CDK19: variants seen among roughly 807,000 people sequenced by gnomAD.
CDK19 encodes cyclin dependent kinase 19.
A neutral mutation model predicts 68.3 loss-of-function variants in CDK19; 20 were observed. That is an observed-to-expected ratio of 0.29 (90% confidence interval 0.21 to 0.43). The LOEUF is 0.43. Ranked by LOEUF, CDK19 falls within the 20% of genes least tolerant of loss-of-function variation. The probability of loss-of-function intolerance (pLI) is 1.00; values close to 1 mark genes in which losing one functional copy is unlikely to be tolerated. For missense variants in CDK19, 339 were observed against 623.5 expected, an observed-to-expected ratio of 0.54 and a Z score of 4.86; for synonymous variants, 221 against 222.8, an observed-to-expected ratio of 0.99 and a Z score of 0.07.
chr6:110,653,100 T>C lies in CDK19; in HGVS notation c.456+14334A>G, dbSNP rs569510964. Among the ~76,000 whole-genome samples the C allele has an allele frequency of 1.3e-4, 20 of 152,344 alleles. 1 individual carries two copies. The South Asian group carries it at 3.9e-3, about 30-fold the overall frequency. ...GTAAATAAATGTTAAGGTCTCAAGA[T>C]ACTTGATGTTTCAAAATATGAATAA... On this transcript the variant is annotated intron_variant, in intron 4 of 12. Transcript: ENST00000368911.
chr6:110,652,714 T>C (rs1369102787), intron 4 of CDK19, among the ~76,000 whole-genome samples: 1 of 152,190 alleles, frequency 6.6e-6, no homozygotes, highest in Non-Finnish European at 1.5e-5. Flanking sequence ...AGTCACACTA[T>C]GTCGAAACAG....
intron 2 of CDK19, among the ~76,000 whole-genome samples, chr6:110,705,288 C>G (rs900540046): frequency 6.6e-6 from 1 of 152,156 alleles, no homozygotes; most frequent in African/African-American, 2.4e-5. Flanking sequence ...GATCCACCTG[C>G]CTCGGCCTCC....
At chr6:110,807,078 T>C (rs911299573) in intron 1 of CDK19, among the ~76,000 whole-genome samples, 3 of 151,598 alleles carry the variant, frequency 2.0e-5, no homozygotes, top group Non-Finnish European at 2.9e-5. Flanking sequence ...GGTAGGAGGA[T>C]TACTTGAGGC....
chr6:110,769,407 A>C (rs891792104), intron 1 of CDK19, among the ~76,000 whole-genome samples: 1 of 151,384 alleles, frequency 6.6e-6, no homozygotes, highest in Non-Finnish European at 1.5e-5. Context: ...TCTACTAAAA[A>C]TACAAAAATT....
intron 5 of CDK19, among the ~76,000 whole-genome samples, chr6:110,634,050 CCCCAATG>C (rs1422046088): frequency 6.6e-6 from 1 of 152,088 alleles, no homozygotes; most frequent in Non-Finnish European, 1.5e-5. Context: ...GTATAAGGGG[CCCCAATG>C]TACTATAAAA....
Position 110,718,638 on chromosome 6 carries a change from CAAA to C in CDK19, c.204+27485_204+27487del, listed in dbSNP as rs34228815. Among the ~76,000 whole-genome samples the C allele has an allele frequency of 0.032, 3,987 of 125,762 alleles. 329 individuals carry two copies. In the East Asian group the frequency reaches 0.37, roughly 12 times the overall value. The allele number at this position is 125,762 out of a possible 152,430, so 82.5% of individuals were successfully genotyped here. On this transcript the variant is annotated intron_variant, in intron 2 of 12. Coordinates refer to ENST00000368911, the MANE Select transcript of CDK19 (RefSeq NM_015076.5). ...GAACCACGGAGAAATCTTCAAAGTC[CAAA>C]AAAAAAAAAAAAAAACCCTTCTAAT...
rs1275389842 is a variant in CDK19 at position 110,759,428 on chromosome 6, A to AAAAAATATAT, written c.129-13228_129-13227insATATATTTTT. Among the ~76,000 whole-genome samples, 3 of 50,906 alleles carry AAAAAATATAT rather than the reference A, an allele frequency of 5.9e-5. No homozygotes were observed. The East Asian group carries it at 2.5e-3, about 42-fold the overall frequency. 33.4% of individuals were successfully genotyped at this position (50,906 alleles called of 152,430 possible). ...TTAAAAAAAAAAAAAAAAAAAAAAAAATATATATATATATATATATATAAA... is the reference window on the plus strand; with the variant it reads ...TTAAAAAAAAAAAAAAAAAAAAAAAAAAAAATATATATATATATATATATATATATATAAA... On this transcript the variant is annotated intron_variant, in intron 1 of 12. Transcript: ENST00000368911.
intron 1 of CDK19, among the ~76,000 whole-genome samples, chr6:110,810,715 A>C (rs1037640533): frequency 5.3e-5 from 8 of 151,956 alleles, no homozygotes; most frequent in Admixed American, 3.9e-4. Context: ...CGGAGGTTGC[A>C]GTGAGCTGAG....
At chr6:110,769,173 A>C (rs1332858975) in intron 1 of CDK19, among the ~76,000 whole-genome samples, 1 of 151,486 alleles carries the variant, frequency 6.6e-6, no homozygotes, top group Non-Finnish European at 1.5e-5. Flanking sequence ...AAAAAAAAAA[A>C]AACCCTAATG....
At chr6:110,678,494 C>T (rs1169974279) in intron 2 of CDK19, among the ~76,000 whole-genome samples, 2 of 152,114 alleles carry the variant, frequency 1.3e-5, no homozygotes, top group Non-Finnish European at 2.9e-5. Context: ...AGGCAAAAAC[C>T]TCATCTACTT....
chr6:110,731,119 A>G (rs928358542), intron 2 of CDK19, among the ~76,000 whole-genome samples: 25 of 107,510 alleles, frequency 2.3e-4, no homozygotes, highest in East Asian at 2.1e-3. Flanking sequence ...AGAAAGGAAA[A>G]GAAAAGAAAA....
chr6:110,725,895 C>T (rs1776281636), intron 2 of CDK19, among the ~76,000 whole-genome samples: 1 of 152,102 alleles, frequency 6.6e-6, no homozygotes. Flanking sequence ...TTACATTCTG[C>T]TTAACAATGC....
Position 110,717,422 on chromosome 6 carries a change from A to C in CDK19, c.204+28704T>G, listed in dbSNP as rs148952822. On this transcript the variant is annotated intron_variant, in intron 2 of 12. Coordinates refer to ENST00000368911, the MANE Select transcript of CDK19 (RefSeq NM_015076.5). Reference sequence around the variant, plus strand: ...ATTTCAACTGACAGGTAGTACATACATTTGTAGTATATACATTTATACTAA... The same window carrying C: ...ATTTCAACTGACAGGTAGTACATACCTTTGTAGTATATACATTTATACTAA... Among the ~76,000 whole-genome samples, 166 of 152,332 alleles carry C rather than the reference A, an allele frequency of 1.1e-3. 1 individual carries two copies. In the East Asian group the frequency reaches 0.03, roughly 28 times the overall value.
chr6:110,667,141 T>G (rs1375505836), intron 4 of CDK19, among the ~76,000 whole-genome samples: 1 of 152,192 alleles, frequency 6.6e-6, no homozygotes, highest in Non-Finnish European at 1.5e-5. Flanking sequence ...GATTGAAATG[T>G]GCATGCTTCA....
intron 1 of CDK19, among the ~76,000 whole-genome samples, chr6:110,770,931 C>T (rs1398517940): frequency 6.6e-6 from 1 of 152,204 alleles, no homozygotes; most frequent in Non-Finnish European, 1.5e-5. Context: ...TCCTTTGACT[C>T]GAGGTCTCAC....
chr6:110,771,377 C>T (rs936299641), intron 1 of CDK19, among the ~76,000 whole-genome samples: 1 of 152,192 alleles, frequency 6.6e-6, no homozygotes, highest in African/African-American at 2.4e-5. Flanking sequence ...GGGCTTCCAC[C>T]CTCTGAAGCA....
At position 110,779,118 on chromosome 6, in the gene CDK19, T is replaced by C. The variant is rs539417508; in HGVS notation, c.129-32917A>G. Among the ~76,000 whole-genome samples the C allele has an allele frequency of 9.2e-5, 14 of 152,284 alleles. No individual in the cohort carries two copies. The South Asian group carries it at 2.7e-3, about 29-fold the overall frequency. The stretch of plus-strand genomic sequence containing the variant: ...GATCTTTCTAAAATACAAATCAGAA[T>C]CGTTAAATTCCTTATCTTGGCACAT... On this transcript the variant is annotated intron_variant, in intron 1 of 12. Transcript: ENST00000368911.
At chr6:110,656,279 G>A (rs1313437043) in intron 4 of CDK19, among the ~76,000 whole-genome samples, 1 of 152,140 alleles carries the variant, frequency 6.6e-6, no homozygotes, top group Non-Finnish European at 1.5e-5. Context: ...ATATTAAGAA[G>A]CCAAATATGT....
chr6:110,791,648 T>C (rs539127529), intron 1 of CDK19, among the ~76,000 whole-genome samples: 4 of 152,252 alleles, frequency 2.6e-5, no homozygotes, highest in Admixed American at 2.6e-4. Context: ...TTGCTTATCT[T>C]TGTTTCCTAA....
Sources: gnomAD v4.1 joint callset for allele counts (sites outside exome capture counted in the v4.1 genomes callset) on GRCh38, gnomAD v4.1.1 for gene constraint, MANE v1.5 for transcripts, NCBI Gene and HGNC (gene_info 2026-07-23, HGNC 2026-07-21) for gene names.